FBXO43: variants seen among roughly 807,000 people sequenced by gnomAD.
FBXO43 encodes F-box protein 43.
Under a neutral mutation model 56.7 loss-of-function variants are expected in FBXO43, and 22 were observed. The ratio of observed to expected loss-of-function variants is 0.39; its 90% CI spans 0.28 to 0.55. FBXO43 has a LOEUF of 0.55. Among genes scored for constraint, FBXO43 ranks in the 20% least tolerant of loss-of-function variants. The probability of loss-of-function intolerance (pLI) is 0.66; values close to 1 mark genes in which losing one functional copy is unlikely to be tolerated. For missense variants in FBXO43, 733 were observed against 814.9 expected (o/e 0.90, Z 1.22); for synonymous variants, 306 against 294.5 (o/e 1.04, Z -0.40).
At position 100,133,864 on chromosome 8, in the gene FBXO43, T is replaced by G. The variant is rs974758959; in HGVS notation, c.2065A>C (p.Arg689=). The G allele has an allele frequency of 5.0e-6, 8 of 1,614,124 alleles. No homozygotes were observed. The African/African-American group carries it at 9.3e-5, about 19-fold the overall frequency. Residue 689 remains arginine (R), a synonymous_variant, in exon 5 of 5, where the codon AGA becomes CGA. Transcript: ENST00000428847. ...CCTGGGAGAGCATCTTTTCTATTTC[T>G]TGGCTTTGCTGCTCCTCTACTACAT... The part of the protein sequence containing the change: ...EECSRGAAKP[R]NRKDALPGSA...
chr8:100,139,120 G>C (rs1397534286), intron 2 of FBXO43, among the ~76,000 whole-genome samples: 1 of 152,058 alleles, frequency 6.6e-6, no homozygotes, highest in Non-Finnish European at 1.5e-5. Flanking sequence ...TATTCCTGTC[G>C]CCTTGAGTGG....
chr8:100,141,764 G>A lies in FBXO43; in HGVS notation c.490C>T (p.Leu164Phe), dbSNP rs756748228. 9 of 1,592,584 alleles carry A rather than the reference G, an allele frequency of 5.7e-6. No homozygotes were observed. Among genetic ancestry groups the A allele is most frequent in the Non-Finnish European group, 7.7e-6 (9 of 1,169,342 alleles). The change falls in exon 2 of 5, where the codon CTT becomes TTT. Residue 164 changes from leucine to phenylalanine, a missense_variant. By Grantham distance (22) the Leu-to-Phe change is conservative. Transcript: ENST00000428847. The part of the protein sequence containing the change: ...PRRRLNVSFA[L>F]LKGDFESQNS... ...TGTGATTCAAAGTCCCCTTTTAGAA[G>A]AGCGAAAGATACATTCAACCTTCTG...
upstream of FBXO43, among the ~76,000 whole-genome samples, chr8:100,148,339 C>T (rs1814866315): frequency 6.6e-6 from 1 of 152,156 alleles, no homozygotes; most frequent in Non-Finnish European, 1.5e-5. Context: ...TGTAGTTTGC[C>T]TGAGCTTTAC....
chr8:100,144,501 ACTGT>A (rs1814756556), intron 1 of FBXO43, among the ~76,000 whole-genome samples: 1 of 152,112 alleles, frequency 6.6e-6, no homozygotes, highest in Non-Finnish European at 1.5e-5. Flanking sequence ...AAAATCATGG[ACTGT>A]CTGTTGTATT....
chr8:100,137,892 CTT>C (rs1814523043), intron 2 of FBXO43, among the ~76,000 whole-genome samples: 1 of 152,100 alleles, frequency 6.6e-6, no homozygotes, highest in South Asian at 2.1e-4. Context: ...ATAGATTACT[CTT>C]TTATAAATGG....
At chr8:100,138,046 T>C (rs956187144) in intron 2 of FBXO43, among the ~76,000 whole-genome samples, 1 of 152,226 alleles carries the variant, frequency 6.6e-6, no homozygotes, top group African/African-American at 2.4e-5. Context: ...CTCCTATTCC[T>C]GTGTTTAACA....
At position 100,141,529 on chromosome 8, in the gene FBXO43, C is replaced by T. The variant is rs1483121370; in HGVS notation, c.725G>A (p.Cys242Tyr). ...TATACATTCAACTTCAAATAGGCTA[C>T]AATCATCTTTGGAATCATCAATTGT... The part of the protein sequence containing the change: ...TSTIDDSKDD[C>Y]SLFEVECISP... The change falls in exon 2 of 5, where the codon TGT becomes TAT. Residue 242 changes from cysteine to tyrosine, a missense_variant. Coordinates refer to ENST00000428847, the MANE Select transcript of FBXO43 (RefSeq NM_001029860.4). 1 of 1,612,064 alleles carries T rather than the reference C, an allele frequency of 6.2e-7. No homozygotes were observed. The highest frequency in any genetic ancestry group is 1.7e-5 in the Admixed American group (1 of 60,016).
At chr8:100,134,536 C>A (rs145368427) in intron 3 of FBXO43, among the ~76,000 whole-genome samples, 172 bp from the exon 4 acceptor site, 1 of 152,146 alleles carries the variant, frequency 6.6e-6, no homozygotes, top group East Asian at 1.9e-4. Context: ...CCAACCTTTT[C>A]TCACCTAACA....
intron 2 of FBXO43, among the ~76,000 whole-genome samples, chr8:100,138,067 AT>A (rs1306052299): frequency 6.6e-6 from 1 of 152,192 alleles, no homozygotes; most frequent in African/African-American, 2.4e-5. Flanking sequence ...AATCTCTGTC[AT>A]TTTGATTACA....
At position 100,145,159 on chromosome 8, in the gene FBXO43, G is replaced by C; in HGVS notation, c.-24C>G. Reference sequence around the variant, plus strand: ...ATGCCAAAATAATGCCACTTAAAGAGGAAAACTTTAGTTTGCACAATTAAT... The same window carrying C: ...ATGCCAAAATAATGCCACTTAAAGACGAAAACTTTAGTTTGCACAATTAAT... On this transcript the variant is annotated 5_prime_UTR_variant, in exon 1 of 5. Coordinates refer to ENST00000428847, the MANE Select transcript of FBXO43 (RefSeq NM_001029860.4). 4 of 1,593,850 alleles carry C rather than the reference G, an allele frequency of 2.5e-6. No homozygotes were observed. The highest frequency in any genetic ancestry group is 3.4e-6 in the Non-Finnish European group (4 of 1,170,068).
At chr8:100,135,552 T>C (rs919872880) in intron 3 of FBXO43, among the ~76,000 whole-genome samples, 11 of 152,066 alleles carry the variant, frequency 7.2e-5, no homozygotes, top group Non-Finnish European at 1.3e-4. Flanking sequence ...GGGGGAAAAG[T>C]ACAGTTCTTT....
At chr8:100,135,304 C>T (rs979147636) in intron 3 of FBXO43, among the ~76,000 whole-genome samples, 1 of 151,970 alleles carries the variant, frequency 6.6e-6, no homozygotes, top group Non-Finnish European at 1.5e-5. Flanking sequence ...GTTAGAGAAC[C>T]TAATCCTTCT....
In FBXO43 at chr8:100,134,313, G is replaced by T. The variant is rs376901828; in HGVS notation, c.1726C>A (p.Arg576Ser). The change falls in exon 4 of 5, where the codon CGC (arginine) becomes AGC (serine). Residue 576 changes from arginine to serine, a missense_variant. By Grantham distance (110) the Arg-to-Ser change is moderately radical. Coordinates refer to ENST00000428847, the MANE Select transcript of FBXO43 (RefSeq NM_001029860.4). The stretch of plus-strand genomic sequence containing the variant: ...GCCTGCACAGATCTTAAAGCTGAGC[G>T]ATTTAAAAGCTGGAGCCGAGTGGCA... Reference protein sequence around the residue: ...DAATRLQLLNRSALRSVQAQA... With the variant: ...DAATRLQLLNSSALRSVQAQA... 2 of 1,613,964 alleles carry T rather than the reference G, an allele frequency of 1.2e-6. No homozygotes were observed. Among genetic ancestry groups the T allele is most frequent in the South Asian group, 2.2e-5 (2 of 91,078 alleles).
intron 2 of FBXO43, among the ~76,000 whole-genome samples, chr8:100,138,771 C>T (rs1472526345): frequency 1.3e-5 from 2 of 152,212 alleles, no homozygotes; most frequent in African/African-American, 4.8e-5. Context: ...GTCACAGCGG[C>T]TCACACCTGT....
At chr8:100,144,697 C>T (rs1814766309) in intron 1 of FBXO43, among the ~76,000 whole-genome samples, 1 of 150,914 alleles carries the variant, frequency 6.6e-6, no homozygotes, top group South Asian at 2.1e-4. Flanking sequence ...TTTGGGAGGC[C>T]GGGGCGGGCG....
At chr8:100,147,789 G>T (rs1158124850), upstream of FBXO43, among the ~76,000 whole-genome samples, 1 of 152,178 alleles carries the variant, frequency 6.6e-6, no homozygotes, top group Non-Finnish European at 1.5e-5. Flanking sequence ...ATAGGCTTGG[G>T]AGAAAATAAG....
rs1036762421 is a variant in FBXO43 at position 100,142,051 on chromosome 8, C to T, written c.203G>A (p.Cys68Tyr). ...NSKYSTFRDFCSTSSFQDSGY... is the reference protein window; with the variant it reads ...NSKYSTFRDFYSTSSFQDSGY... ...ACTATCTTGAAATGAAGATGTGGAA[C>T]AAAAATCTCTGAAGGTGGAGTACTT... is the stretch of plus-strand genomic sequence containing the variant. The change falls in exon 2 of 5, where the codon TGT becomes TAT. Residue 68 changes from cysteine to tyrosine, a missense_variant. Physicochemically the swap from Cys to Tyr is radical, Grantham distance 194. Transcript: ENST00000428847. The T allele has an allele frequency of 2.5e-6, 4 of 1,613,582 alleles. No homozygotes were observed. In the African/African-American group the frequency reaches 4.0e-5, roughly 16 times the overall value.
chr8:100,142,708 G>A (rs1563755173), intron 1 of FBXO43, among the ~76,000 whole-genome samples: 2 of 152,172 alleles, frequency 1.3e-5, no homozygotes, highest in African/African-American at 4.8e-5. Flanking sequence ...ACCTGTTGTA[G>A]AAACCTAGTC....
chr8:100,149,978 T>C (rs911481852), upstream of FBXO43, among the ~76,000 whole-genome samples: 1 of 152,088 alleles, frequency 6.6e-6, no homozygotes, highest in Admixed American at 6.5e-5. Flanking sequence ...GAGCAGGGCG[T>C]TTTGTTCTTC....
Sources: gnomAD v4.1 joint callset for allele counts (sites outside exome capture counted in the v4.1 genomes callset) on GRCh38, gnomAD v4.1.1 for gene constraint, MANE v1.5 for transcripts, NCBI Gene and HGNC (gene_info 2026-07-23, HGNC 2026-07-21) for gene names.